PRKN: variants seen among roughly 807,000 people sequenced by gnomAD.
PRKN encodes the protein parkin RBR E3 ubiquitin protein ligase.
In PRKN, 56 loss-of-function variants were observed where a neutral mutation model predicts 59.5. That is an observed-to-expected ratio of 0.94 (90% CI 0.76 to 1.18). The LOEUF (loss-of-function observed/expected upper bound fraction) is 1.18. Among genes scored for constraint, PRKN ranks in the 50% most tolerant of loss-of-function variants. The pLI is 0.00. For synonymous variants in PRKN, 250 were observed against 222.1 expected (o/e 1.13, Z -1.12); for missense variants, 657 against 596.4 (o/e 1.10, Z -1.06).
chr6:161,382,854 T>A (rs74601837), intron 10 of PRKN, among the ~76,000 whole-genome samples: 70 of 152,298 alleles, frequency 4.6e-4, no homozygotes, highest in African/African-American at 1.7e-3. Context: ...AAAAGCTGAT[T>A]GGGACTCAAG....
intron 4 of PRKN, among the ~76,000 whole-genome samples, chr6:162,083,550 A>C (rs1329023154): frequency 6.6e-6 from 1 of 152,114 alleles, no homozygotes; most frequent in Non-Finnish European, 1.5e-5. Context: ...AGCATGAATA[A>C]TGCTTTTTAT....
At chr6:162,299,750 T>G (rs921193433) in intron 2 of PRKN, among the ~76,000 whole-genome samples, 1 of 152,068 alleles carries the variant, frequency 6.6e-6, no homozygotes, top group East Asian at 1.9e-4. Context: ...CAGGCCACTT[T>G]GCAGGAATTC....
Position 161,414,539 on chromosome 6 carries a change from G to T in PRKN, c.1084-27662C>A, listed in dbSNP as rs567989057. On this transcript the variant is annotated intron_variant, in intron 9 of 11. Coordinates refer to ENST00000366898, the MANE Select transcript of PRKN (RefSeq NM_004562.3). The surrounding 1 kb of genome is among the most constrained non-coding windows in gnomAD (Gnocchi z 5.3). ...AATCTTATTTAGAGGAGTCGTGGTAGAATTATTTATTCACTTCTAGCCTTT... is the reference window on the plus strand; with the variant it reads ...AATCTTATTTAGAGGAGTCGTGGTATAATTATTTATTCACTTCTAGCCTTT... 2.6e-5 allele frequency among the ~76,000 whole-genome samples: 4 copies of T among 152,356 alleles called. No homozygotes were observed. Among genetic ancestry groups the T allele is most frequent in the African/African-American group, 9.6e-5 (4 of 41,580 alleles).
At chr6:161,350,589 A>T (rs1784490835) in intron 11 of PRKN, among the ~76,000 whole-genome samples, 1 of 133,814 alleles carries the variant, frequency 7.5e-6, no homozygotes, top group South Asian at 2.2e-4. Flanking sequence ...ATATATAAAT[A>T]TATTTTTATA....
intron 4 of PRKN, among the ~76,000 whole-genome samples, chr6:162,097,379 A>T (rs955167106): frequency 2.0e-5 from 3 of 152,208 alleles, no homozygotes; most frequent in African/African-American, 7.2e-5. Flanking sequence ...AAAGTCTGTA[A>T]GAGCAGAGTC....
At chr6:162,353,092 T>C (rs944960188) in intron 2 of PRKN, among the ~76,000 whole-genome samples, 2 of 152,176 alleles carry the variant, frequency 1.3e-5, no homozygotes, top group Non-Finnish European at 2.9e-5. Context: ...CAAATGTTTT[T>C]AGAAGTTCTC....
At chr6:161,749,858 C>A (rs894653866) in intron 7 of PRKN, among the ~76,000 whole-genome samples, 2 of 152,070 alleles carry the variant, frequency 1.3e-5, no homozygotes, top group African/African-American at 4.8e-5. Context: ...GCACCTCTCA[C>A]CTACAAGAAG....
intron 5 of PRKN, among the ~76,000 whole-genome samples, chr6:162,048,787 C>T (rs969768163): frequency 4.6e-5 from 7 of 150,992 alleles, no homozygotes; most frequent in Non-Finnish European, 1.0e-4. Context: ...TCAAAGCTAT[C>T]CTGGGCTGCA....
At chr6:162,619,694 C>T (rs1782576512) in intron 1 of PRKN, among the ~76,000 whole-genome samples, 1 of 112,810 alleles carries the variant, frequency 8.9e-6, no homozygotes, top group African/African-American at 3.3e-5. Context: ...GGTATCTATC[C>T]TTTCACTTTT....
chr6:162,253,520 G>A (rs1779523213), intron 3 of PRKN, among the ~76,000 whole-genome samples: 1 of 152,156 alleles, frequency 6.6e-6, no homozygotes, highest in African/African-American at 2.4e-5. Flanking sequence ...CAGCAACTAT[G>A]CTAACCGTAT....
rs143902760 is a variant in PRKN at position 161,785,827 on chromosome 6, G to A, written c.816C>T (p.Leu272=). 6.5e-4 allele frequency: 1,055 copies of A among 1,614,102 alleles called. 19 individuals are homozygous for A. The South Asian group carries it at 0.011, about 17-fold the overall frequency. The part of the protein sequence containing the change: ...DCFHLYCVTR[L]NDRQFVHDPQ... ...GGTCGTGAACAAACTGCCGATCATT[G>A]AGTCTTGTCACACAGTATAAGTGGA... The change falls in exon 7 of 12, where the codon CTC becomes CTT. Residue 272 remains leucine, a synonymous_variant. Coordinates refer to ENST00000366898, the MANE Select transcript of PRKN (RefSeq NM_004562.3).
intron 7 of PRKN, among the ~76,000 whole-genome samples, chr6:161,598,154 A>T (rs1386709868): frequency 6.6e-6 from 1 of 152,224 alleles, no homozygotes; most frequent in East Asian, 1.9e-4. Context: ...TCCTAATTGA[A>T]TGAATAGATA....
intron 1 of PRKN, among the ~76,000 whole-genome samples, chr6:162,523,369 A>G (rs1183569267): frequency 6.6e-6 from 1 of 152,184 alleles, no homozygotes; most frequent in Non-Finnish European, 1.5e-5. Context: ...CCAAGAAAGA[A>G]AAACTCCATT....
At chr6:161,765,352 G>A (rs1182431207) in intron 7 of PRKN, among the ~76,000 whole-genome samples, 6 of 152,180 alleles carry the variant, frequency 3.9e-5, no homozygotes, top group African/African-American at 1.4e-4. Context: ...TTATGATTTA[G>A]ATTATATCTT....
intron 2 of PRKN, among the ~76,000 whole-genome samples, chr6:162,274,426 G>A (rs1780526329): frequency 1.3e-5 from 2 of 152,198 alleles, no homozygotes; most frequent in South Asian, 4.2e-4. Context: ...AGGCTCAAGT[G>A]ATCTGCCTGC....
intron 9 of PRKN, among the ~76,000 whole-genome samples, chr6:161,406,269 T>G (rs896707832): frequency 2.0e-5 from 3 of 152,018 alleles, no homozygotes; most frequent in African/African-American, 7.3e-5. Context: ...CAGTAAAATC[T>G]TCCCACTTAG....
At position 161,642,034 on chromosome 6, in the gene PRKN, GC is replaced by G. The variant is rs1015257649; in HGVS notation, c.872-72619del. ...AAGTTTAATTTATGAATGTCTGGCTGCCACAAAATAATAAGGATTTTCCCCC... is the reference window on the plus strand; with the variant it reads ...AAGTTTAATTTATGAATGTCTGGCTGCACAAAATAATAAGGATTTTCCCCC... On this transcript the variant is annotated intron_variant, in intron 7 of 11. Coordinates refer to ENST00000366898, the MANE Select transcript of PRKN (RefSeq NM_004562.3). Among the ~76,000 whole-genome samples, 4 of 152,282 alleles carry G rather than the reference GC, an allele frequency of 2.6e-5. No homozygotes were observed. In the South Asian group the frequency reaches 6.2e-4, roughly 24 times the overall value.
intron 4 of PRKN, among the ~76,000 whole-genome samples, chr6:162,095,019 G>C (rs960405795): frequency 1.3e-5 from 2 of 152,156 alleles, no homozygotes; most frequent in African/African-American, 4.8e-5. Flanking sequence ...CACACAGATG[G>C]AGAGATGGTA....
intron 7 of PRKN, among the ~76,000 whole-genome samples, chr6:161,723,909 G>T (rs1020271917): frequency 6.6e-6 from 1 of 152,166 alleles, no homozygotes; most frequent in Non-Finnish European, 1.5e-5. Context: ...ACAGTAGGGG[G>T]CTCGGTCTTC....
Sources: allele counts gnomAD v4.1 joint callset (sites outside exome capture counted in the v4.1 genomes callset), GRCh38; gene constraint gnomAD v4.1.1; non-coding constraint Gnocchi (gnomAD v3.1); transcripts MANE v1.5; gene names NCBI Gene and HGNC (gene_info 2026-07-23, HGNC 2026-07-21).